CNTNAP3: variants seen among roughly 807,000 people sequenced by gnomAD.
The protein encoded by CNTNAP3 is contactin associated protein family member 3, also known as contactin-associated protein-like 3.
CNTNAP3 carries 36 observed loss-of-function variants against 92.1 expected under a neutral mutation model. The ratio of observed to expected loss-of-function variants is 0.39; its 90% CI spans 0.30 to 0.52. CNTNAP3 has a LOEUF of 0.52. Ranked by LOEUF, CNTNAP3 falls within the 20% of genes least tolerant of loss-of-function variation. The probability of loss-of-function intolerance (pLI) is 0.76; values close to 1 mark genes in which losing one functional copy is unlikely to be tolerated. For missense variants in CNTNAP3, 534 were observed against 1,069.6 expected, an observed-to-expected ratio of 0.50 and a Z score of 6.98; for synonymous variants, 232 against 422.3, an observed-to-expected ratio of 0.55 and a Z score of 5.53.
rs1156536495 is a variant in CNTNAP3, at chr9:39,073,859, T to C, written c.*31A>G. ...CTTTCTGGTTTTCATGGACTGCGTT[T>C]TGCACATCGAGCTCACTGTTTAGAG... is the stretch of plus-strand genomic sequence containing the variant. On this transcript the variant is annotated 3_prime_UTR_variant, in exon 24 of 24. Transcript: ENST00000297668. 1 of 1,596,306 alleles carries C rather than the reference T, an allele frequency of 6.3e-7. No individual in the cohort carries two copies.
Position 39,068,274 on chromosome 9 carries a change from G to A in CNTNAP3, c.*5616C>T, listed in dbSNP as rs1172765711. ...AAAAAAAAAAAAAAAAAATTAGCTG[G>A]GCATGTTGGCTTGTGCCTGTAGTCC... On this transcript the variant is annotated 3_prime_UTR_variant, in exon 24 of 24. Coordinates refer to ENST00000297668, the MANE Select transcript of CNTNAP3 (RefSeq NM_033655.5). Among the ~76,000 whole-genome samples the A allele has an allele frequency of 2.7e-5, 4 of 149,952 alleles. No individual in the cohort carries two copies. Among genetic ancestry groups the A allele is most frequent in the African/African-American group, 9.8e-5 (4 of 41,010 alleles).
chr9:39,100,748 C>G (rs1157831220), intron 17 of CNTNAP3, among the ~76,000 whole-genome samples: 1 of 151,846 alleles, frequency 6.6e-6, no homozygotes, highest in Non-Finnish European at 1.5e-5. Flanking sequence ...TAATTGAATA[C>G]TGCATGCATG....
chr9:39,132,779 A>G (rs1821324236), intron 13 of CNTNAP3, among the ~76,000 whole-genome samples, 153 bp downstream of exon 13: 1 of 152,150 alleles, frequency 6.6e-6, no homozygotes, highest in Non-Finnish European at 1.5e-5. Context: ...CTTTGGTCCA[A>G]CCAAGAGCGG....
At chr9:39,095,716 G>A (rs1450780805) in intron 18 of CNTNAP3, among the ~76,000 whole-genome samples, 8 of 141,922 alleles carry the variant, frequency 5.6e-5, no homozygotes, top group South Asian at 2.3e-4. Flanking sequence ...TATATTTCAC[G>A]ACAATGTTTT....
intron 11 of CNTNAP3, among the ~76,000 whole-genome samples, chr9:39,141,590 T>C (rs1260132597): frequency 2.0e-5 from 3 of 152,208 alleles, no homozygotes; most frequent in Admixed American, 1.3e-4. Context: ...GCAAATGTTT[T>C]ACCAAGTACA....
intron 10 of CNTNAP3, among the ~76,000 whole-genome samples, chr9:39,146,562 G>A (rs11791369): frequency 0.05 from 7,669 of 152,104 alleles, 330 homozygotes; most frequent in African/African-American, 0.11. Context: ...GGTGGCGGGC[G>A]CCTGTAGTTC....
intron 3 of CNTNAP3, among the ~76,000 whole-genome samples, chr9:39,217,358 G>GTATA (rs58203008): frequency 0.079 from 333 of 4,222 alleles, 45 homozygotes; most frequent in South Asian, 0.14. Context: ...ATTTACATGA[G>GTATA]TATATATATA....
At chr9:39,084,445 C>T (rs1369321941) in intron 21 of CNTNAP3, among the ~76,000 whole-genome samples, 1 of 152,114 alleles carries the variant, frequency 6.6e-6, no homozygotes, top group Non-Finnish European at 1.5e-5. Flanking sequence ...CCGCCTGCCT[C>T]AGCCTCCCAA....
chr9:39,112,422 A>G (rs930596464), intron 14 of CNTNAP3, among the ~76,000 whole-genome samples: 9 of 151,886 alleles, frequency 5.9e-5, no homozygotes, highest in East Asian at 1.9e-4. Context: ...TTGGAGTGCA[A>G]TGGTGTGATC....
intron 13 of CNTNAP3, among the ~76,000 whole-genome samples, chr9:39,126,278 A>G (rs185329897): frequency 0.011 from 1,621 of 152,276 alleles, 29 homozygotes; most frequent in South Asian, 0.086. Context: ...TCTCGAGAGA[A>G]ACAAAATTTT....
intron 20 of CNTNAP3, chr9:39,086,328 A>C (rs1438545385): frequency 4.1e-6 from 1 of 240,974 alleles, no homozygotes; most frequent in African/African-American, 2.3e-5. Flanking sequence ...TTAAGTTGCT[A>C]AAGTATTTGT....
intron 9 of CNTNAP3, among the ~76,000 whole-genome samples, chr9:39,161,554 G>A (rs1191825828): frequency 2.3e-5 from 2 of 85,838 alleles, no homozygotes; most frequent in Non-Finnish European, 4.4e-5. Flanking sequence ...AGTGGCTCAC[G>A]CCTATAATCC....
chr9:39,108,994 T>A lies in CNTNAP3; in HGVS notation c.2365+166A>T, dbSNP rs566109383. On this transcript the variant is annotated intron_variant, in intron 15 of 23. Coordinates refer to ENST00000297668, the MANE Select transcript of CNTNAP3 (RefSeq NM_033655.5). ...TAATGCTTCAGTAAGGAAACACAGA[T>A]CTTCAGTACTGACTGTGCCTTTATG... is the stretch of plus-strand genomic sequence containing the variant. Among the ~76,000 whole-genome samples, 94 of 152,284 alleles carry A rather than the reference T, an allele frequency of 6.2e-4. No individual in the cohort carries two copies. The South Asian group carries it at 0.019, about 31-fold the overall frequency.
At chr9:39,110,222 C>A (rs908368082) in intron 14 of CNTNAP3, among the ~76,000 whole-genome samples, 6 of 151,986 alleles carry the variant, frequency 3.9e-5, no homozygotes, top group African/African-American at 1.4e-4. Context: ...ATAGTGAGGC[C>A]CCGTCTCTAC....
intron 15 of CNTNAP3, among the ~76,000 whole-genome samples, chr9:39,107,135 C>T (rs1232893809): frequency 6.6e-6 from 1 of 151,692 alleles, no homozygotes; most frequent in Non-Finnish European, 1.5e-5. Context: ...ACAGACCTGC[C>T]AGACAGACCT....
chr9:39,094,537 A>G (rs1826284766), intron 18 of CNTNAP3, among the ~76,000 whole-genome samples: 1 of 150,944 alleles, frequency 6.6e-6, no homozygotes, highest in Non-Finnish European at 1.5e-5. Flanking sequence ...AATTTTGGTA[A>G]GGGTCTAACT....
intron 13 of CNTNAP3, among the ~76,000 whole-genome samples, chr9:39,125,712 C>T (rs1470886860): frequency 6.6e-6 from 1 of 151,768 alleles, no homozygotes; most frequent in African/African-American, 2.4e-5. Context: ...AACTGCAGAG[C>T]AAGGAAAATT....
chr9:39,130,248 C>A (rs1256507109), intron 13 of CNTNAP3, among the ~76,000 whole-genome samples: 2 of 151,864 alleles, frequency 1.3e-5, no homozygotes, highest in East Asian at 3.9e-4. Flanking sequence ...AACCCAGATG[C>A]CCTTCAATGA....
intron 18 of CNTNAP3, among the ~76,000 whole-genome samples, chr9:39,089,843 T>G (rs948895600): frequency 1.3e-5 from 2 of 152,212 alleles, no homozygotes; most frequent in African/African-American, 4.8e-5. Flanking sequence ...TTATTGGACA[T>G]TCACACATAT....
Sources: gnomAD v4.1 joint callset for allele counts (sites outside exome capture counted in the v4.1 genomes callset) on GRCh38, gnomAD v4.1.1 for gene constraint, MANE v1.5 for transcripts, NCBI Gene and HGNC (gene_info 2026-07-23, HGNC 2026-07-21) for gene names.